The following KCNS3 variants were observed in gnomAD, a reference collection of about 807,000 sequenced individuals.
KCNS3 encodes the protein potassium voltage-gated channel modifier subfamily S member 3.
KCNS3 carries 13 observed loss-of-function variants against 31.0 expected under a neutral mutation model. That is an observed-to-expected ratio of 0.42 (90% CI 0.27 to 0.67). The LOEUF is 0.67. Ranked by LOEUF, KCNS3 falls within the 30% of genes least tolerant of loss-of-function variation. The probability of loss-of-function intolerance (pLI) is 0.25; values close to 1 mark genes in which losing one functional copy is unlikely to be tolerated. For synonymous variants in KCNS3, 238 were observed against 241.5 expected (o/e 0.99, Z 0.13); for missense variants, 545 against 622.4 (o/e 0.88, Z 1.32).
intron 2 of KCNS3, among the ~76,000 whole-genome samples, chr2:17,926,610 C>A (rs1025791538): frequency 2.0e-5 from 3 of 152,358 alleles, no homozygotes; most frequent in East Asian, 3.9e-4. Flanking sequence ...TTGGGGCTTG[C>A]GCCATCTGAA....
At chr2:17,906,955 G>T (rs12470954) in intron 1 of KCNS3, among the ~76,000 whole-genome samples, 144,888 of 152,272 alleles carry the variant, frequency 0.95, 69,021 homozygotes, top group East Asian at 1. Context: ...GGTGTAGAGT[G>T]CTGTAGATGT....
At chr2:17,922,843 C>T (rs1662748323) in intron 2 of KCNS3, among the ~76,000 whole-genome samples, 2 of 152,178 alleles carry the variant, frequency 1.3e-5, no homozygotes, top group Non-Finnish European at 2.9e-5. Context: ...GTCAGAACTT[C>T]ATTCCTTGAT....
At chr2:17,894,126 T>C (rs1661929825) in intron 1 of KCNS3, among the ~76,000 whole-genome samples, 1 of 152,018 alleles carries the variant, frequency 6.6e-6, no homozygotes, top group Admixed American at 6.5e-5. Flanking sequence ...TGTTTTACAG[T>C]CCTTCATTTA....
intron 1 of KCNS3, among the ~76,000 whole-genome samples, chr2:17,897,427 AT>A (rs1214302956): frequency 6.6e-6 from 1 of 152,206 alleles, no homozygotes; most frequent in African/African-American, 2.4e-5. Context: ...GCTGAGTTGA[AT>A]GGTAGTTCTG....
At chr2:17,886,091 G>A (rs1661647714) in intron 1 of KCNS3, among the ~76,000 whole-genome samples, 2 of 152,174 alleles carry the variant, frequency 1.3e-5, no homozygotes, top group Admixed American at 6.5e-5. Context: ...AATCAGTCAA[G>A]TCATTTGCTG....
rs1156470074 is a variant in KCNS3 at position 17,917,821 on chromosome 2, C to T, written c.-110C>T. On this transcript the variant is annotated 5_prime_UTR_variant, in exon 2 of 3. The change creates a new upstream start codon in the 5' untranslated region. Coordinates refer to ENST00000304101, the MANE Select transcript of KCNS3 (RefSeq NM_002252.5). ...GCAGAGCTTCTTGGATGATGATGGACGTCCCACCGGGCAGGATGAAGGCAG... is the reference window on the plus strand; with the variant it reads ...GCAGAGCTTCTTGGATGATGATGGATGTCCCACCGGGCAGGATGAAGGCAG... 2 of 152,690 alleles carry T rather than the reference C, an allele frequency of 1.3e-5. No homozygotes were observed. The highest frequency in any genetic ancestry group is 2.1e-4 in the South Asian group (1 of 4,826). 9.5% of individuals were successfully genotyped at this position (152,690 alleles called of 1,614,324 possible). A position where few individuals can be genotyped will look rare whatever the true frequency, so the allele number is the denominator to read the frequency against.
At chr2:17,881,453 G>T (rs1224016050) in intron 1 of KCNS3, among the ~76,000 whole-genome samples, 2 of 152,166 alleles carry the variant, frequency 1.3e-5, no homozygotes, top group African/African-American at 4.8e-5. Context: ...CTGGGTCTTG[G>T]TCTGTTTAGC....
At position 17,930,989 on chromosome 2, in the gene KCNS3, C is replaced by T; in HGVS notation, c.-20C>T. On this transcript the variant is annotated 5_prime_UTR_variant, in exon 3 of 3. Transcript: ENST00000304101. ...TCCTCTTCTCCCTTGCCAGCCAGCA[C>T]TCTGCCTTCTGTATCCACCATGGTG... 1 of 1,604,570 alleles carries T rather than the reference C, an allele frequency of 6.2e-7. No individual in the cohort carries two copies. The highest frequency in any genetic ancestry group is 8.5e-7 in the Non-Finnish European group (1 of 1,174,648).
In KCNS3 at chr2:17,878,688, C is replaced by A; in HGVS notation, c.-370C>A. 6.7e-6 allele frequency: 1 copy of A among 150,182 alleles called. No individual in the cohort carries two copies. Among genetic ancestry groups the A allele is most frequent in the East Asian group, 2.0e-4 (1 of 5,092 alleles). The allele number at this position is 150,182 out of a possible 1,614,324, so 9.3% of individuals were successfully genotyped here. On this transcript the variant is annotated 5_prime_UTR_variant, in exon 1 of 3. Coordinates refer to ENST00000304101, the MANE Select transcript of KCNS3 (RefSeq NM_002252.5). ...GGACAGACCGGCCGACGCGGGCCACCCCGCTCTCCTCGCCGCCGCGGCGGC... is the reference window on the plus strand; with the variant it reads ...GGACAGACCGGCCGACGCGGGCCACACCGCTCTCCTCGCCGCCGCGGCGGC...
At chr2:17,899,008 A>G (rs1459119793) in intron 1 of KCNS3, among the ~76,000 whole-genome samples, 2 of 152,152 alleles carry the variant, frequency 1.3e-5, no homozygotes, top group Non-Finnish European at 1.5e-5. Context: ...CCGGTGGATC[A>G]CAAGGTCAAG....
At chr2:17,915,492 A>G (rs1662569560) in intron 1 of KCNS3, among the ~76,000 whole-genome samples, 1 of 152,022 alleles carries the variant, frequency 6.6e-6, no homozygotes, top group East Asian at 1.9e-4. Context: ...AACAACTAAG[A>G]GGGATCTTGA....
chr2:17,879,145 A>G (rs908396287), intron 1 of KCNS3, among the ~76,000 whole-genome samples: 1 of 152,080 alleles, frequency 6.6e-6, no homozygotes, highest in Non-Finnish European at 1.5e-5. Context: ...GGGGTGGGCT[A>G]TGGTCAGGGG....
Position 17,930,991 on chromosome 2 carries a change from C to T in KCNS3, c.-18C>T, listed in dbSNP as rs779673661. On this transcript the variant is annotated 5_prime_UTR_variant, in exon 3 of 3. Transcript: ENST00000304101. Reference sequence around the variant, plus strand: ...CTCTTCTCCCTTGCCAGCCAGCACTCTGCCTTCTGTATCCACCATGGTGTT... The same window carrying T: ...CTCTTCTCCCTTGCCAGCCAGCACTTTGCCTTCTGTATCCACCATGGTGTT... 2 of 1,605,746 alleles carry T rather than the reference C, an allele frequency of 1.2e-6. No homozygotes were observed. Among genetic ancestry groups the T allele is most frequent in the East Asian group, 2.2e-5 (1 of 44,810 alleles).
chr2:17,891,746 A>T (rs1394477651), intron 1 of KCNS3, among the ~76,000 whole-genome samples: 1 of 152,182 alleles, frequency 6.6e-6, no homozygotes, highest in East Asian at 1.9e-4. Context: ...GAGACTGAGG[A>T]TATGGCCCTA....
chr2:17,906,916 T>C (rs759452137), intron 1 of KCNS3, among the ~76,000 whole-genome samples: 12 of 152,242 alleles, frequency 7.9e-5, no homozygotes, highest in Non-Finnish European at 1.3e-4. Flanking sequence ...GATGTGGTGC[T>C]GCGAAGAATG....
At chr2:17,916,542 T>C (rs951317441) in intron 1 of KCNS3, among the ~76,000 whole-genome samples, 1 of 152,212 alleles carries the variant, frequency 6.6e-6, no homozygotes, top group Non-Finnish European at 1.5e-5. Flanking sequence ...GTATAATCTC[T>C]GTTGGAGGTG....
At chr2:17,889,418 T>A (rs1661786691) in intron 1 of KCNS3, among the ~76,000 whole-genome samples, 1 of 152,200 alleles carries the variant, frequency 6.6e-6, no homozygotes, top group Non-Finnish European at 1.5e-5. Context: ...ATGCCCTTTA[T>A]TTCCTTCTCT....
intron 2 of KCNS3, among the ~76,000 whole-genome samples, chr2:17,921,955 ATAT>A (rs1662725848): frequency 1.5e-5 from 2 of 136,586 alleles, no homozygotes; most frequent in African/African-American, 2.7e-5. Context: ...ATATATATAT[ATAT>A]AAATACATAT....
At chr2:17,900,252 A>G (rs1265181800) in intron 1 of KCNS3, among the ~76,000 whole-genome samples, 1 of 152,190 alleles carries the variant, frequency 6.6e-6, no homozygotes, top group African/African-American at 2.4e-5. Flanking sequence ...TGCAGTGTGG[A>G]GACAATGAGT....
Sources: gnomAD v4.1 joint callset for allele counts (sites outside exome capture counted in the v4.1 genomes callset) on GRCh38, gnomAD v4.1.1 for gene constraint, MANE v1.5 for transcripts, NCBI Gene and HGNC (gene_info 2026-07-23, HGNC 2026-07-21) for gene names.